HSPH1: variants seen among roughly 807,000 people sequenced by gnomAD.
HSPH1 encodes the protein heat shock protein 105 kDa.
A neutral mutation model predicts 100.0 loss-of-function variants in HSPH1; 40 were observed. The ratio of observed to expected loss-of-function variants is 0.40; its 90% CI spans 0.31 to 0.52. The LOEUF is 0.52. Among genes scored for constraint, HSPH1 ranks in the 20% least tolerant of loss-of-function variants. The pLI, the probability that HSPH1 is intolerant of heterozygous loss-of-function variation, is 0.54. For missense variants in HSPH1, 876 were observed against 1,015.1 expected, an observed-to-expected ratio of 0.86 and a Z score of 1.86; for synonymous variants, 403 against 344.0, an observed-to-expected ratio of 1.17 and a Z score of -1.90.
In HSPH1 at chr13:31,140,323, G is replaced by A; in HGVS notation, c.1855-14C>T. On this transcript the variant is annotated splice_polypyrimidine_tract_variant and intron_variant, in intron 13 of 17. Coordinates refer to ENST00000320027, the MANE Select transcript of HSPH1 (RefSeq NM_006644.4). ...TATCATCTTACCCTGTCAGGAAACA[G>A]GAAAGGTTAATTCCAGTCTTCTAGT... 6.2e-7 allele frequency: 1 copy of A among 1,605,016 alleles called. No homozygotes were observed. Among genetic ancestry groups the A allele is most frequent in the Non-Finnish European group, 8.5e-7 (1 of 1,176,246 alleles).
intron 3 of HSPH1, 82 bp downstream of exon 3, chr13:31,155,432 A>C: frequency 8.7e-7 from 1 of 1,148,464 alleles, no homozygotes; most frequent in Non-Finnish European, 1.2e-6. Context: ...GTAATTAAGA[A>C]ATTTAAGTAA....
chr13:31,157,376 G>C (rs1235495182), intron 2 of HSPH1, among the ~76,000 whole-genome samples: 3 of 152,026 alleles, frequency 2.0e-5, no homozygotes, highest in Non-Finnish European at 4.4e-5. Flanking sequence ...ACCCCTTTTA[G>C]TTATCTCTCT....
At chr13:31,148,778 G>A (rs1408734978) in intron 8 of HSPH1, among the ~76,000 whole-genome samples, 1 of 152,054 alleles carries the variant, frequency 6.6e-6, no homozygotes, top group Non-Finnish European at 1.5e-5. Flanking sequence ...ATGCCTTGCT[G>A]ATAGCAATTT....
rs1250216547 is a variant in HSPH1, at chr13:31,155,534, T to C, written c.286A>G (p.Asn96Asp). The change falls in exon 3 of 18, where the codon AAT becomes GAT. Residue 96 changes from asparagine to aspartate, a missense_variant. Coordinates refer to ENST00000320027, the MANE Select transcript of HSPH1 (RefSeq NM_006644.4). ...ATTACCTTTATTCCAACTCCACCATTTTTCAATGGAACCAAATCGTAACTC... is the reference window on the plus strand; with the variant it reads ...ATTACCTTTATTCCAACTCCACCATCTTTCAATGGAACCAAATCGTAACTC... ...NLSYDLVPLK[N>D]GGVGIKVMYM... 1.2e-6 allele frequency: 2 copies of C among 1,610,984 alleles called. No individual in the cohort carries two copies. The highest frequency in any genetic ancestry group is 8.5e-7 in the Non-Finnish European group (1 of 1,178,456).
In HSPH1 at chr13:31,140,315, AG is replaced by A. The variant is rs762093862; in HGVS notation, c.1855-7del. ...TCTTGCATTATCATCTTACCCTGTCAGGAAACAGGAAAGGTTAATTCCAGTC... is the reference window on the plus strand; with the variant it reads ...TCTTGCATTATCATCTTACCCTGTCAGAAACAGGAAAGGTTAATTCCAGTC... On this transcript the variant is annotated splice_polypyrimidine_tract_variant and splice_region_variant and intron_variant, in intron 13 of 17. Coordinates refer to ENST00000320027, the MANE Select transcript of HSPH1 (RefSeq NM_006644.4). The A allele has an allele frequency of 1.7e-5, 27 of 1,606,880 alleles. No homozygotes were observed. The African/African-American group carries it at 2.8e-4, about 17-fold the overall frequency.
Position 31,143,936 on chromosome 13 carries a change from C to G in HSPH1, c.1585-13G>C, listed in dbSNP as rs1956185684. 2 of 1,577,244 alleles carry G rather than the reference C, an allele frequency of 1.3e-6. No individual in the cohort carries two copies. Among genetic ancestry groups the G allele is most frequent in the Non-Finnish European group, 1.7e-6 (2 of 1,161,108 alleles). The stretch of plus-strand genomic sequence containing the variant: ...GCTGGACATTTTTCTGAAATGAAAG[C>G]CCAGGCACAAAGGATGTAGAAAGCA... On this transcript the variant is annotated splice_polypyrimidine_tract_variant and intron_variant, in intron 11 of 17. Coordinates refer to ENST00000320027, the MANE Select transcript of HSPH1 (RefSeq NM_006644.4).
chr13:31,158,957 T>C (rs1360526929), intron 1 of HSPH1, 94 bp from the exon 2 acceptor site: 6 of 766,752 alleles, frequency 7.8e-6, no homozygotes, highest in African/African-American at 5.3e-5. Flanking sequence ...TCCTACCCAT[T>C]AGGGGATAGG....
chr13:31,150,885 A>G, intron 7 of HSPH1, 62 bp downstream of exon 7: 2 of 1,511,102 alleles, frequency 1.3e-6, no homozygotes, highest in Non-Finnish European at 1.8e-6. Context: ...ACTAGAACTG[A>G]CACCTGGGCT....
At position 31,140,186 on chromosome 13, in the gene HSPH1, G is replaced by C. The variant is rs755198084; in HGVS notation, c.1978C>G (p.Gln660Glu). The C allele has an allele frequency of 6.2e-7, 1 of 1,609,806 alleles. No individual in the cohort carries two copies. The highest frequency in any genetic ancestry group is 8.5e-7 in the Non-Finnish European group (1 of 1,177,514). ...AAAAACAGAGCTCTAAGACATACCTGCTCACATATAAATTTTTCATATGGT... is the reference window on the plus strand; with the variant it reads ...AAAAACAGAGCTCTAAGACATACCTCCTCACATATAAATTTTTCATATGGT... ...CGPYEKFICE[Q>E]DHQNFLRLLT... The change falls in exon 14 of 18, where the codon CAG becomes GAG. Residue 660 changes from glutamine to glutamate, a missense_variant and splice_region_variant. Transcript: ENST00000320027.
chr13:31,142,749 T>C (rs145756139), intron 12 of HSPH1, among the ~76,000 whole-genome samples: 150 of 152,186 alleles, frequency 9.9e-4, no homozygotes, highest in African/African-American at 3.3e-3. Flanking sequence ...GGAGCATGAA[T>C]GAGATCCTAC....
At chr13:31,161,938 A>G, upstream of HSPH1, 3 of 1,535,284 alleles carry the variant, frequency 2.0e-6, no homozygotes, top group African/African-American at 1.4e-5. Flanking sequence ...AGCCTTATGT[A>G]TCGCACTGAT....
rs751659890 is a variant in HSPH1 at position 31,141,274 on chromosome 13, TA to T, written c.1717-16del. 1.7e-5 allele frequency: 27 copies of T among 1,563,396 alleles called. No individual in the cohort carries two copies. The highest frequency in any genetic ancestry group is 2.5e-5 in the South Asian group (2 of 81,532). Reference sequence around the variant, plus strand: ...TTTTCATTTGCCTTGGGAAGAGGAATAAAAAAAGGAAAAAATTTTAAACAAC... The same window carrying T: ...TTTTCATTTGCCTTGGGAAGAGGAATAAAAAAGGAAAAAATTTTAAACAAC... On this transcript the variant is annotated splice_polypyrimidine_tract_variant and intron_variant, in intron 12 of 17. Coordinates refer to ENST00000320027, the MANE Select transcript of HSPH1 (RefSeq NM_006644.4).
chr13:31,140,303 T>A lies in HSPH1; in HGVS notation c.1861A>T (p.Met621Leu). 1 of 1,609,188 alleles carries A rather than the reference T, an allele frequency of 6.2e-7. No homozygotes were observed. The highest frequency in any genetic ancestry group is 8.5e-7 in the Non-Finnish European group (1 of 1,177,968). Reference protein sequence around the residue: ...LNMYIETEGKMIMQDKLEKER... With the variant: ...LNMYIETEGKLIMQDKLEKER... ...TTTTCCAATTTATCTTGCATTATCA[T>A]CTTACCCTGTCAGGAAACAGGAAAG... Residue 621 changes from methionine (M) to leucine (L), a missense_variant, in exon 14 of 18, where the codon ATG becomes TTG. By Grantham distance (15) the Met-to-Leu change is conservative. Transcript: ENST00000320027.
At position 31,161,493 on chromosome 13, in the gene HSPH1, G is replaced by C; in HGVS notation, c.90C>G (p.Phe30Leu). Residue 30 changes from phenylalanine (F) to leucine (L), a missense_variant, in exon 1 of 18, where the codon TTC (phenylalanine) becomes TTG (leucine). By Grantham distance (22) the Phe-to-Leu change is conservative. Coordinates refer to ENST00000320027, the MANE Select transcript of HSPH1 (RefSeq NM_006644.4). Reference protein sequence around the residue: ...AGGIETIANEFSDRCTPSVIS... With the variant: ...AGGIETIANELSDRCTPSVIS... ...CCACTTACGGGGTGCACCGGTCGCT[G>C]AACTCATTGGCGATGGTCTCGATGC... 1.2e-6 allele frequency: 2 copies of C among 1,614,052 alleles called. No individual in the cohort carries two copies. The highest frequency in any genetic ancestry group is 1.7e-6 in the Non-Finnish European group (2 of 1,179,962).
intron 2 of HSPH1, among the ~76,000 whole-genome samples, chr13:31,158,279 G>A (rs996853165): frequency 6.5e-4 from 99 of 152,210 alleles, no homozygotes; most frequent in African/African-American, 2.3e-3. Context: ...CAGGCCAGGC[G>A]TAGGCTCACA....
chr13:31,135,912 C>CA lies in HSPH1; in HGVS notation c.*1405_*1406insT, dbSNP rs1288049838. 9 of 152,128 alleles carry CA rather than the reference C, an allele frequency of 5.9e-5. No individual in the cohort carries two copies. Among genetic ancestry groups the CA allele is most frequent in the Admixed American group, 2.6e-4 (4 of 15,262 alleles). The allele number at this position is 152,128 out of a possible 1,614,324, so 9.4% of individuals were successfully genotyped here. On this transcript the variant is annotated 3_prime_UTR_variant, in exon 18 of 18. Coordinates refer to ENST00000320027, the MANE Select transcript of HSPH1 (RefSeq NM_006644.4). ...AAATGGCTGGGCATGGTGGCTCACA[C>CA]CATGTAATCCCAGCACTTTGGGAGG...
At chr13:31,147,094 T>C (rs1173220300) in intron 10 of HSPH1, among the ~76,000 whole-genome samples, 3 of 152,084 alleles carry the variant, frequency 2.0e-5, no homozygotes, top group Non-Finnish European at 4.4e-5. Context: ...ATGTACGACG[T>C]TTTCAGTTTC....
intron 12 of HSPH1, among the ~76,000 whole-genome samples, chr13:31,141,705 C>A (rs932126214): frequency 1.3e-5 from 2 of 151,748 alleles, no homozygotes; most frequent in African/African-American, 4.8e-5. Context: ...TGCCAGTATG[C>A]CTGCTTTAAT....
At chr13:31,142,028 T>C (rs1956116163) in intron 12 of HSPH1, among the ~76,000 whole-genome samples, 1 of 152,064 alleles carries the variant, frequency 6.6e-6, no homozygotes, top group African/African-American at 2.4e-5. Context: ...TTGCTATGCA[T>C]TTCCATTTCT....
Sources: allele counts gnomAD v4.1 joint callset (sites outside exome capture counted in the v4.1 genomes callset), GRCh38; gene constraint gnomAD v4.1.1; transcripts MANE v1.5; gene names NCBI Gene and HGNC (gene_info 2026-07-23, HGNC 2026-07-21).